Variants in GABRG1 observed in about 807,000 individuals in gnomAD.
GABRG1 encodes gamma-aminobutyric acid type A receptor subunit gamma1.
Under a neutral mutation model 49.8 loss-of-function variants are expected in GABRG1, and 49 were observed. That is an observed-to-expected ratio of 0.98 (90% CI 0.78 to 1.25). GABRG1 has a LOEUF of 1.25. GABRG1 is among the 50% of genes most tolerant of loss of function. The probability of loss-of-function intolerance (pLI) is 0.00; values close to 1 mark genes in which losing one functional copy is unlikely to be tolerated. For missense variants in GABRG1, 552 were observed against 552.3 expected (o/e 1.00, Z 0.01); for synonymous variants, 232 against 185.1 (o/e 1.25, Z -2.06).
Position 46,051,411 on chromosome 4 carries a change from CT to C in GABRG1, c.1131+12del. 2 of 1,563,910 alleles carry C rather than the reference CT, an allele frequency of 1.3e-6. No homozygotes were observed. Among genetic ancestry groups the C allele is most frequent in the Non-Finnish European group, 8.7e-7 (1 of 1,155,968 alleles). ...TGAGGTTTATAAAATAGAAATTTTT[CT>C]TTTTAACATACCGAGGCTTTATTTT... is the stretch of plus-strand genomic sequence containing the variant. On this transcript the variant is annotated intron_variant, in intron 8 of 8. Transcript: ENST00000295452.
chr4:46,123,125 C>T, intron 1 of GABRG1, among the ~76,000 whole-genome samples: 1 of 151,326 alleles, frequency 6.6e-6, no homozygotes, highest in Non-Finnish European at 1.5e-5. Flanking sequence ...CACACACACA[C>T]ACACACACAC....
intron 5 of GABRG1, among the ~76,000 whole-genome samples, chr4:46,060,804 A>C (rs2109404656): frequency 6.6e-6 from 1 of 152,234 alleles, no homozygotes; most frequent in African/African-American, 2.4e-5. Context: ...ACTTTTAAAA[A>C]GTTTTAGAGT....
intron 5 of GABRG1, among the ~76,000 whole-genome samples, chr4:46,061,859 A>T (rs1367522012): frequency 7.0e-6 from 1 of 142,122 alleles, no homozygotes; most frequent in African/African-American, 2.9e-5. Flanking sequence ...TATGTGGAAC[A>T]AATTTGTTTA....
chr4:46,103,453 AG>A (rs1230594593), intron 1 of GABRG1, among the ~76,000 whole-genome samples: 4 of 151,514 alleles, frequency 2.6e-5, no homozygotes, highest in Non-Finnish European at 5.9e-5. Context: ...CACAGGGAAA[AG>A]TTCCACCATG....
chr4:46,100,136 G>GT (rs1175903690), intron 1 of GABRG1, among the ~76,000 whole-genome samples: 1 of 151,736 alleles, frequency 6.6e-6, no homozygotes, highest in East Asian at 1.9e-4. Context: ...CTTGTGTACA[G>GT]TATAGAAATT....
intron 1 of GABRG1, among the ~76,000 whole-genome samples, chr4:46,117,445 CA>C (rs1245766711): frequency 6.7e-6 from 1 of 149,982 alleles, no homozygotes; most frequent in Non-Finnish European, 1.5e-5. Flanking sequence ...ACATCTTACA[CA>C]ACCAGAGTAA....
chr4:46,119,607 C>T (rs1263160138), intron 1 of GABRG1, among the ~76,000 whole-genome samples: 1 of 151,314 alleles, frequency 6.6e-6, no homozygotes, highest in East Asian at 1.9e-4. Flanking sequence ...AGACATTTTC[C>T]CCATAGTCTT....
chr4:46,064,278 T>TA (rs746894660), intron 5 of GABRG1, among the ~76,000 whole-genome samples, 163 bp downstream of exon 5: 11 of 152,090 alleles, frequency 7.2e-5, no homozygotes, highest in African/African-American at 2.2e-4. Context: ...ACTTTTAGTT[T>TA]AAAAGCAAGA....
intron 8 of GABRG1, among the ~76,000 whole-genome samples, chr4:46,045,335 T>C (rs1459606884): frequency 1.3e-5 from 2 of 152,020 alleles, no homozygotes; most frequent in Non-Finnish European, 2.9e-5. Context: ...TTGAAAAAAC[T>C]GCTCATAGTA....
At chr4:46,090,503 A>G (rs1719940505) in intron 2 of GABRG1, among the ~76,000 whole-genome samples, 1 of 152,064 alleles carries the variant, frequency 6.6e-6, no homozygotes, top group African/African-American at 2.4e-5. Context: ...AGTGATTTAT[A>G]GTTTTAGGGA....
rs1209329999 is a variant in GABRG1 at position 46,039,586 on chromosome 4, G to A, written c.*1402C>T. 1 of 151,592 alleles carries A rather than the reference G, an allele frequency of 6.6e-6. No homozygotes were observed. Among genetic ancestry groups the A allele is most frequent in the Non-Finnish European group, 1.5e-5 (1 of 67,774 alleles). 9.4% of individuals were successfully genotyped at this position (151,592 alleles called of 1,614,324 possible). On this transcript the variant is annotated 3_prime_UTR_variant, in exon 9 of 9. Coordinates refer to ENST00000295452, the MANE Select transcript of GABRG1 (RefSeq NM_173536.4). ...TTGGCAACAGAAACAATCTTTAAAGGTTATTTCCAAGCTAAACCTGGTGGT... is the reference window on the plus strand; with the variant it reads ...TTGGCAACAGAAACAATCTTTAAAGATTATTTCCAAGCTAAACCTGGTGGT...
Position 46,036,076 on chromosome 4 carries a change from T to G in GABRG1, c.*4912A>C, listed in dbSNP as rs1223166456. 6.6e-6 allele frequency: 1 copy of G among 152,016 alleles called. No homozygotes were observed. The highest frequency in any genetic ancestry group is 2.4e-5 in the African/African-American group (1 of 41,452). 9.4% of individuals were successfully genotyped at this position (152,016 alleles called of 1,614,324 possible). The stretch of plus-strand genomic sequence containing the variant: ...CAAAAGTCTTCTAATTAGCCCTTTT[T>G]GCTTAGCTGCATTTCAGTTATCACA... On this transcript the variant is annotated 3_prime_UTR_variant, in exon 9 of 9. Transcript: ENST00000295452.
At chr4:46,086,404 T>TA (rs544119523) in intron 2 of GABRG1, among the ~76,000 whole-genome samples, 158 of 151,780 alleles carry the variant, frequency 1.0e-3, no homozygotes, top group African/African-American at 3.6e-3. Flanking sequence ...CAATAGATTT[T>TA]AAAAATCTTT....
intron 8 of GABRG1, among the ~76,000 whole-genome samples, chr4:46,042,573 C>T (rs1363239359): frequency 1.3e-5 from 2 of 151,856 alleles, no homozygotes; most frequent in African/African-American, 4.8e-5. Flanking sequence ...TGTTTTCATG[C>T]TAAATTTTGA....
intron 1 of GABRG1, among the ~76,000 whole-genome samples, chr4:46,108,091 T>A (rs1720610915): frequency 6.6e-6 from 1 of 151,108 alleles, no homozygotes; most frequent in Non-Finnish European, 1.5e-5. Flanking sequence ...TATTAGTAAA[T>A]TGGAAATACT....
At chr4:46,109,266 G>T (rs1434782851) in intron 1 of GABRG1, among the ~76,000 whole-genome samples, 1 of 150,712 alleles carries the variant, frequency 6.6e-6, no homozygotes, top group African/African-American at 2.4e-5. Context: ...GTGTTTCCAG[G>T]AATTTATGCA....
intron 5 of GABRG1, among the ~76,000 whole-genome samples, chr4:46,064,227 G>A (rs1718821113): frequency 6.6e-6 from 1 of 151,908 alleles, no homozygotes; most frequent in Admixed American, 6.6e-5. Flanking sequence ...TATAAAGAAT[G>A]TTTTAATAAA....
At chr4:46,111,226 C>T (rs907121809) in intron 1 of GABRG1, among the ~76,000 whole-genome samples, 1 of 150,740 alleles carries the variant, frequency 6.6e-6, no homozygotes, top group Non-Finnish European at 1.5e-5. Context: ...GGAGTCAAAT[C>T]AAGAATGTAA....
At chr4:46,072,457 C>T (rs1719166853) in intron 3 of GABRG1, among the ~76,000 whole-genome samples, 1 of 151,968 alleles carries the variant, frequency 6.6e-6, no homozygotes, top group African/African-American at 2.4e-5. Flanking sequence ...AAAAATTATC[C>T]ATGTGTTTCT....
Sources: gnomAD v4.1 joint callset for allele counts (sites outside exome capture counted in the v4.1 genomes callset) on GRCh38, gnomAD v4.1.1 for gene constraint, MANE v1.5 for transcripts, NCBI Gene and HGNC (gene_info 2026-07-23, HGNC 2026-07-21) for gene names.